The following EXOC4 variants were observed in gnomAD, a reference collection of about 807,000 sequenced individuals.
The protein encoded by EXOC4 is SEC8-like 1.
In EXOC4, 71 loss-of-function variants were observed where a neutral mutation model predicts 107.2. The ratio of observed to expected loss-of-function variants is 0.66; its 90% CI spans 0.55 to 0.81. The LOEUF (loss-of-function observed/expected upper bound fraction) is 0.81. Among genes scored for constraint, EXOC4 ranks in the 30% least tolerant of loss-of-function variants. The pLI, the probability that EXOC4 is intolerant of heterozygous loss-of-function variation, is 0.00. For missense variants in EXOC4, 1,108 were observed against 1,189.6 expected (o/e 0.93, Z 1.01); for synonymous variants, 456 against 441.2 (o/e 1.03, Z -0.42).
At chr7:133,479,787 C>T in intron 8 of EXOC4, 2 of 413,558 alleles carry the variant, frequency 4.8e-6, no homozygotes. Context: ...GAAGTTGGGA[C>T]AGATCACAGT....
chr7:133,784,305 C>A (rs1464335028), intron 10 of EXOC4, among the ~76,000 whole-genome samples: 1 of 152,126 alleles, frequency 6.6e-6, no homozygotes, highest in Non-Finnish European at 1.5e-5. Context: ...CCTTTGATAT[C>A]TTAATCTGAT....
At chr7:133,478,534 G>T (rs76345061) in intron 8 of EXOC4, among the ~76,000 whole-genome samples, 1 of 152,098 alleles carries the variant, frequency 6.6e-6, no homozygotes, top group Non-Finnish European at 1.5e-5. Context: ...TCAATCTCTA[G>T]TGCCTCTTTT....
intron 9 of EXOC4, among the ~76,000 whole-genome samples, chr7:133,502,962 TC>T (rs1799601477): frequency 6.6e-6 from 1 of 152,174 alleles, no homozygotes; most frequent in South Asian, 2.1e-4. Context: ...TCCAACCCTC[TC>T]TTCATTGCCC....
At chr7:133,726,148 G>C (rs1416428255) in intron 10 of EXOC4, among the ~76,000 whole-genome samples, 1 of 152,140 alleles carries the variant, frequency 6.6e-6, no homozygotes, top group Non-Finnish European at 1.5e-5. Context: ...TAAAACCATG[G>C]GTAGGAATAA....
At chr7:133,465,400 G>C (rs1016071469) in intron 7 of EXOC4, among the ~76,000 whole-genome samples, 1 of 152,126 alleles carries the variant, frequency 6.6e-6, no homozygotes, top group Admixed American at 6.5e-5. Context: ...AATACATGGA[G>C]GAAAAATTGA....
chr7:133,469,934 C>T (rs1220384993), intron 7 of EXOC4, among the ~76,000 whole-genome samples: 1 of 152,204 alleles, frequency 6.6e-6, no homozygotes, highest in East Asian at 1.9e-4. Flanking sequence ...TTCCCCAACA[C>T]ATTCCTGAGA....
chr7:133,588,922 GTGTATATGTGTGTGTGTA>G (rs1382295043), intron 9 of EXOC4, among the ~76,000 whole-genome samples: 6 of 151,760 alleles, frequency 4.0e-5, no homozygotes, highest in Admixed American at 2.0e-4. Context: ...ATATATATGT[GTGTATATGTGTGTGTGTA>G]TGTATATGTG....
chr7:133,932,232 A>T (rs1328275066), intron 13 of EXOC4, among the ~76,000 whole-genome samples: 2 of 152,200 alleles, frequency 1.3e-5, no homozygotes, highest in African/African-American at 2.4e-5. Context: ...TATTTTGTGT[A>T]AAACCTTCAT....
intron 11 of EXOC4, among the ~76,000 whole-genome samples, chr7:133,868,491 G>A (rs1185437543): frequency 6.6e-6 from 1 of 152,192 alleles, no homozygotes; most frequent in Non-Finnish European, 1.5e-5. Context: ...AAGCCTTCAG[G>A]TTTTTGCTAG....
At chr7:133,746,685 A>T (rs1230985354) in intron 10 of EXOC4, among the ~76,000 whole-genome samples, 1 of 152,184 alleles carries the variant, frequency 6.6e-6, no homozygotes, top group South Asian at 2.1e-4. Flanking sequence ...TAAAGATGAA[A>T]CTTCAGTGAA....
At chr7:133,400,940 A>G (rs1168675958) in intron 7 of EXOC4, among the ~76,000 whole-genome samples, 1 of 152,222 alleles carries the variant, frequency 6.6e-6, no homozygotes, top group Non-Finnish European at 1.5e-5. Context: ...GAGACCTCAG[A>G]GTGGGGGCAC....
chr7:133,356,230 A>G, intron 5 of EXOC4, 100 bp from the exon 6 acceptor site: 1 of 1,185,514 alleles, frequency 8.4e-7, no homozygotes, highest in Non-Finnish European at 1.2e-6. Context: ...TTAATTCTTT[A>G]AGAGAGTAAT....
chr7:133,294,974 T>C (rs1016440289), intron 3 of EXOC4, among the ~76,000 whole-genome samples: 2 of 152,070 alleles, frequency 1.3e-5, no homozygotes, highest in Non-Finnish European at 2.9e-5. Context: ...ATAATATGTA[T>C]CTCCAAGGGT....
At chr7:133,907,815 A>AAGGAGG (rs1279703518) in intron 12 of EXOC4, among the ~76,000 whole-genome samples, 1 of 93,292 alleles carries the variant, frequency 1.1e-5, no homozygotes. Context: ...GAGAGAGAAG[A>AAGGAGG]AGGAGGAGGA....
At chr7:133,952,020 GTGGCAGGCACCTGT>G (rs1449033928) in intron 14 of EXOC4, among the ~76,000 whole-genome samples, 1 of 152,192 alleles carries the variant, frequency 6.6e-6, no homozygotes, top group Non-Finnish European at 1.5e-5. Flanking sequence ...GCCAAGCGTG[GTGGCAGGCACCTGT>G]AATCTCAACT....
chr7:134,095,304 A>C, the EXOC4 span, among the ~76,000 whole-genome samples: 46 of 152,214 alleles, frequency 3.0e-4, 1 homozygote, highest in African/African-American at 9.4e-4. Context: ...AAAACACTGC[A>C]AAAAAGAAAT....
At chr7:133,751,365 G>A (rs151324026) in intron 10 of EXOC4, among the ~76,000 whole-genome samples, 1 of 152,026 alleles carries the variant, frequency 6.6e-6, no homozygotes, top group African/African-American at 2.4e-5. Flanking sequence ...TAAAATTTTG[G>A]GGCTGGGAAG....
chr7:133,671,412 A>G (rs1793942340), intron 10 of EXOC4, among the ~76,000 whole-genome samples: 1 of 152,050 alleles, frequency 6.6e-6, no homozygotes, highest in African/African-American at 2.4e-5. Flanking sequence ...AAAAAATACA[A>G]AAATTAGCTG....
At chr7:134,075,604 C>T in the EXOC4 span, among the ~76,000 whole-genome samples, 8 of 152,188 alleles carry the variant, frequency 5.3e-5, no homozygotes, top group Non-Finnish European at 1.2e-4. Context: ...CCCCATGATT[C>T]AGTCATCTCC....
Sources: allele counts gnomAD v4.1 joint callset (sites outside exome capture counted in the v4.1 genomes callset), GRCh38; gene constraint gnomAD v4.1.1; transcripts MANE v1.5; gene names NCBI Gene and HGNC (gene_info 2026-07-23, HGNC 2026-07-21).